WWC1: variants seen among roughly 807,000 people sequenced by gnomAD.
WWC1 encodes protein KIBRA.
WWC1 carries 55 observed loss-of-function variants against 138.4 expected under a neutral mutation model. The observed-to-expected ratio is 0.40, with a 90% CI of 0.32 to 0.50. WWC1 has a LOEUF of 0.50. Ranked by LOEUF, WWC1 falls within the 20% of genes least tolerant of loss-of-function variation. The probability of loss-of-function intolerance (pLI) is 0.72; values close to 1 mark genes in which losing one functional copy is unlikely to be tolerated. For synonymous variants in WWC1, 524 were observed against 564.9 expected (o/e 0.93, Z 1.03); for missense variants, 1,226 against 1,420.4 (o/e 0.86, Z 2.20).
At chr5:168,382,320 A>T (rs914387309) in intron 2 of WWC1, among the ~76,000 whole-genome samples, 2 of 152,226 alleles carry the variant, frequency 1.3e-5, no homozygotes, top group African/African-American at 2.4e-5. Flanking sequence ...ATTCATGTAT[A>T]ATCAGAAGGC....
At chr5:168,328,207 G>A (rs1772723753) in intron 1 of WWC1, among the ~76,000 whole-genome samples, 1 of 152,196 alleles carries the variant, frequency 6.6e-6, no homozygotes, top group Non-Finnish European at 1.5e-5. Flanking sequence ...CACCCACAAA[G>A]TGTGCATAAT....
At chr5:168,337,504 C>T (rs1295638298) in intron 1 of WWC1, among the ~76,000 whole-genome samples, 17 of 152,076 alleles carry the variant, frequency 1.1e-4, no homozygotes, top group Admixed American at 9.8e-4. Flanking sequence ...CAGGACAGCC[C>T]CCGCCACAAA....
intron 1 of WWC1, among the ~76,000 whole-genome samples, chr5:168,333,855 T>C (rs924670420): frequency 6.6e-6 from 1 of 152,010 alleles, no homozygotes; most frequent in Non-Finnish European, 1.5e-5. Flanking sequence ...ACAAGATTCT[T>C]ACAGAACTAT....
chr5:168,370,083 TAG>T (rs200424834), intron 1 of WWC1, among the ~76,000 whole-genome samples: 6 of 81,138 alleles, frequency 7.4e-5, no homozygotes, highest in Admixed American at 1.4e-4. Context: ...GCATTTTTAG[TAG>T]AGAGAGTTTC....
intron 8 of WWC1, among the ~76,000 whole-genome samples, chr5:168,413,105 C>T (rs1780350551): frequency 6.6e-6 from 1 of 152,160 alleles, no homozygotes; most frequent in African/African-American, 2.4e-5. Flanking sequence ...ATTGTCTGCA[C>T]GTAAGATTGA....
intron 9 of WWC1, chr5:168,415,208 C>T (rs1477526499): frequency 6.6e-6 from 1 of 152,454 alleles, no homozygotes; most frequent in African/African-American, 2.4e-5. Flanking sequence ...AGTGCACAGA[C>T]CCCACTGGTC....
intron 11 of WWC1, among the ~76,000 whole-genome samples, chr5:168,425,205 T>C (rs1422033976): frequency 6.6e-6 from 1 of 152,044 alleles, no homozygotes; most frequent in Non-Finnish European, 1.5e-5. Context: ...ACCCCCTTAT[T>C]GTCATGCCTT....
intron 9 of WWC1, among the ~76,000 whole-genome samples, chr5:168,420,100 G>C (rs1780969669): frequency 1.3e-5 from 2 of 152,190 alleles, no homozygotes; most frequent in Non-Finnish European, 2.9e-5. Flanking sequence ...TCAGAGCTTG[G>C]TCCTAGGCCT....
chr5:168,396,875 T>A (rs1439493042), intron 3 of WWC1, among the ~76,000 whole-genome samples: 1 of 152,206 alleles, frequency 6.6e-6, no homozygotes, highest in East Asian at 1.9e-4. Context: ...ACGATAATTG[T>A]ATTAGGGTGG....
chr5:168,332,145 CA>C (rs58312732), intron 1 of WWC1, among the ~76,000 whole-genome samples: 24,062 of 126,098 alleles, frequency 0.19, 1,973 homozygotes, highest in African/African-American at 0.24. Flanking sequence ...GATTCTGTCT[CA>C]AAAAAAAAAA....
intron 1 of WWC1, among the ~76,000 whole-genome samples, chr5:168,336,734 T>C (rs1773503462): frequency 6.6e-6 from 1 of 152,186 alleles, no homozygotes; most frequent in Non-Finnish European, 1.5e-5. Context: ...ACTTGTGTGC[T>C]TGGTATTGTC....
At chr5:168,331,200 G>A (rs1398703221) in intron 1 of WWC1, among the ~76,000 whole-genome samples, 2 of 152,206 alleles carry the variant, frequency 1.3e-5, no homozygotes, top group Non-Finnish European at 2.9e-5. Context: ...TAGAGCTACA[G>A]GTGCTCATAG....
chr5:168,400,670 TG>T (rs1779239381), intron 5 of WWC1, among the ~76,000 whole-genome samples: 1 of 152,146 alleles, frequency 6.6e-6, no homozygotes, highest in African/African-American at 2.4e-5. Flanking sequence ...TTATTGTGGC[TG>T]GGCACAGTGG....
intron 2 of WWC1, among the ~76,000 whole-genome samples, chr5:168,382,127 A>G (rs776342860): frequency 3.3e-5 from 5 of 152,212 alleles, no homozygotes; most frequent in Non-Finnish European, 7.3e-5. Flanking sequence ...GGTCTGGTTA[A>G]ATAAACCCAA....
intron 1 of WWC1, among the ~76,000 whole-genome samples, chr5:168,364,251 G>T (rs1163201163): frequency 6.6e-6 from 1 of 152,018 alleles, no homozygotes; most frequent in Non-Finnish European, 1.5e-5. Flanking sequence ...AGCCTTTGTG[G>T]GTAACATCTA....
At chr5:168,344,600 A>G (rs534320325) in intron 1 of WWC1, among the ~76,000 whole-genome samples, 40 of 152,366 alleles carry the variant, frequency 2.6e-4, no homozygotes, top group African/African-American at 9.1e-4. Flanking sequence ...ACATCAGATG[A>G]AACAGTAGAT....
chr5:168,359,899 C>T (rs1775756003), intron 1 of WWC1, among the ~76,000 whole-genome samples: 1 of 152,116 alleles, frequency 6.6e-6, no homozygotes, highest in African/African-American at 2.4e-5. Flanking sequence ...GTTATAAAGA[C>T]CCACAAAAAG....
At chr5:168,316,128 T>C (rs1331453005) in intron 1 of WWC1, among the ~76,000 whole-genome samples, 1 of 152,186 alleles carries the variant, frequency 6.6e-6, no homozygotes, top group Non-Finnish European at 1.5e-5. Context: ...CCAAGAGTCC[T>C]TCCCCCTCAG....
chr5:168,402,594 C>T (rs1452124473), intron 5 of WWC1, among the ~76,000 whole-genome samples: 1 of 152,148 alleles, frequency 6.6e-6, no homozygotes, highest in African/African-American at 2.4e-5. Flanking sequence ...GGAAGCACTT[C>T]ACGCCAGCCA....
Sources: gnomAD v4.1 joint callset for allele counts (sites outside exome capture counted in the v4.1 genomes callset) on GRCh38, gnomAD v4.1.1 for gene constraint, MANE v1.5 for transcripts, NCBI Gene and HGNC (gene_info 2026-07-23, HGNC 2026-07-21) for gene names.